The following ADGRD1 variants were observed in gnomAD, a reference collection of about 807,000 sequenced individuals.
The protein encoded by ADGRD1 is G-protein coupled receptor 133.
In ADGRD1, 77 loss-of-function variants were observed where a neutral mutation model predicts 113.4. The observed-to-expected ratio is 0.68, with a 90% CI of 0.57 to 0.82. The LOEUF (loss-of-function observed/expected upper bound fraction) is 0.82, where lower values mean the gene tolerates loss of function less well. Among genes scored for constraint, ADGRD1 ranks in the 40% least tolerant of loss-of-function variants. The pLI, the probability that ADGRD1 is intolerant of heterozygous loss-of-function variation, is 0.00. For missense variants in ADGRD1, 1,036 were observed against 1,139.1 expected (o/e 0.91, Z 1.30); for synonymous variants, 474 against 475.0 (o/e 1.00, Z 0.03).
intron 15 of ADGRD1, among the ~76,000 whole-genome samples, chr12:131,095,741 T>C (rs1351779138): frequency 2.0e-5 from 3 of 152,316 alleles, no homozygotes; most frequent in East Asian, 3.9e-4. Context: ...TCAACACGTA[T>C]TTTTTGTCAT....
intron 13 of ADGRD1, among the ~76,000 whole-genome samples, chr12:131,074,520 G>T (rs1885426475): frequency 6.6e-6 from 1 of 152,192 alleles, no homozygotes; most frequent in Non-Finnish European, 1.5e-5. Flanking sequence ...AGGCCTCAGG[G>T]AGGCTCGTGG....
chr12:130,981,622 G>A (rs1459936135), intron 4 of ADGRD1, among the ~76,000 whole-genome samples: 1 of 152,176 alleles, frequency 6.6e-6, no homozygotes. Context: ...CATCTGTATA[G>A]TGGGGATGAA....
rs941566693 is a variant in ADGRD1, at chr12:130,956,208, G to T, written c.103+1548G>T. Reference sequence around the variant, plus strand: ...TTCCTGGATGGAGCACCAGGAGCCTGCTGGGGTCTAGGGCCAGGGGCTGTG... The same window carrying T: ...TTCCTGGATGGAGCACCAGGAGCCTTCTGGGGTCTAGGGCCAGGGGCTGTG... On this transcript the variant is annotated intron_variant, in intron 2 of 24. Coordinates refer to ENST00000261654, the MANE Select transcript of ADGRD1 (RefSeq NM_198827.5). Among the ~76,000 whole-genome samples the T allele has an allele frequency of 3.9e-5, 6 of 152,334 alleles. No individual in the cohort carries two copies. The East Asian group carries it at 1.2e-3, about 29-fold the overall frequency.
chr12:131,071,710 G>A (rs1290892543), intron 13 of ADGRD1, among the ~76,000 whole-genome samples: 1 of 152,210 alleles, frequency 6.6e-6, no homozygotes, highest in Non-Finnish European at 1.5e-5. Flanking sequence ...GGAGAGAGTG[G>A]AGACCCGGAT....
chr12:131,065,630 C>G (rs1031513923), intron 13 of ADGRD1, among the ~76,000 whole-genome samples: 2 of 152,020 alleles, frequency 1.3e-5, no homozygotes, highest in African/African-American at 4.8e-5. Context: ...CTTTTGAGAC[C>G]AGGCTGGAGT....
chr12:130,998,274 G>C (rs1444221086), intron 8 of ADGRD1, among the ~76,000 whole-genome samples: 1 of 152,092 alleles, frequency 6.6e-6, no homozygotes, highest in Non-Finnish European at 1.5e-5. Context: ...AGACATCTAC[G>C]AGGCAGGCTC....
chr12:130,961,036 G>A (rs180737714), intron 2 of ADGRD1, among the ~76,000 whole-genome samples: 7 of 152,176 alleles, frequency 4.6e-5, no homozygotes, highest in African/African-American at 1.2e-4. Flanking sequence ...AAGCCAGCCC[G>A]ACCATCGGCA....
chr12:131,001,350 C>A (rs1259784794), intron 9 of ADGRD1, among the ~76,000 whole-genome samples: 2 of 152,038 alleles, frequency 1.3e-5, no homozygotes, highest in Admixed American at 6.5e-5. Context: ...TTAGAAAATG[C>A]AGATAATAAA....
intron 6 of ADGRD1, 106 bp downstream of exon 6, chr12:130,987,455 A>T (rs1221985018): frequency 3.8e-6 from 5 of 1,303,022 alleles, no homozygotes; most frequent in African/African-American, 1.5e-5. Context: ...TCAGCACTGC[A>T]GGCGTGAGAT....
intron 2 of ADGRD1, among the ~76,000 whole-genome samples, chr12:130,961,923 A>T (rs1050114987): frequency 6.6e-6 from 1 of 152,260 alleles, no homozygotes; most frequent in African/African-American, 2.4e-5. Flanking sequence ...TTCGTTCGGC[A>T]TCAGGAGGCA....
Position 130,966,459 on chromosome 12 carries a change from C to T in ADGRD1, c.104-4C>T, listed in dbSNP as rs771635425. The T allele has an allele frequency of 3.1e-6, 5 of 1,595,822 alleles. No homozygotes were observed. The highest frequency in any genetic ancestry group is 4.3e-6 in the Non-Finnish European group (5 of 1,163,460). ...TTTAAAATTTTTATTCTTTTTTCCC[C>T]AAGGATTTCAGGTGTTGGCGTCTGC... On this transcript the variant is annotated splice_region_variant and splice_polypyrimidine_tract_variant and intron_variant, in intron 2 of 24. Transcript: ENST00000261654. This position sits in a 1 kb window ranked among gnomAD's most constrained non-coding sequence, Gnocchi z 4.6.
intron 4 of ADGRD1, among the ~76,000 whole-genome samples, chr12:130,975,916 C>T (rs980728912): frequency 6.6e-6 from 1 of 152,186 alleles, no homozygotes; most frequent in Non-Finnish European, 1.5e-5. Flanking sequence ...AAGGCAGCCT[C>T]CCCGATTAGC....
chr12:131,079,983 C>T (rs1026486895), intron 14 of ADGRD1, among the ~76,000 whole-genome samples: 22 of 152,198 alleles, frequency 1.4e-4, no homozygotes, highest in Admixed American at 1.2e-3. Flanking sequence ...GGCTTATCCT[C>T]TTTGTCTTTA....
rs73470828 is a variant in ADGRD1, at chr12:131,135,416, A to G, written c.2268-621A>G. On this transcript the variant is annotated intron_variant, in intron 21 of 24. Transcript: ENST00000261654. ...ATGGGGCTCTGTCAGTTCACAGTGC[A>G]GTTCAGCAAGCCCTTGTTTAGCACG... Among the ~76,000 whole-genome samples, 796 of 152,296 alleles carry G rather than the reference A, an allele frequency of 5.2e-3. 7 individuals carry two copies. The highest frequency in any genetic ancestry group is 0.018 in the African/African-American group (741 of 41,568).
chr12:131,136,191 G>A, intron 22 of ADGRD1, 28 bp downstream of exon 22: 1 of 1,611,578 alleles, frequency 6.2e-7, no homozygotes, highest in South Asian at 1.1e-5. Context: ...TGGCGGGGAG[G>A]CAGGGCCGCC....
At chr12:131,079,047 C>G (rs1402510222) in intron 14 of ADGRD1, among the ~76,000 whole-genome samples, 1 of 152,138 alleles carries the variant, frequency 6.6e-6, no homozygotes, top group African/African-American at 2.4e-5. Context: ...ACCGATTTGT[C>G]TTCTGTTCCT....
chr12:131,009,648 G>A (rs894560706), intron 12 of ADGRD1, among the ~76,000 whole-genome samples: 4 of 152,248 alleles, frequency 2.6e-5, no homozygotes, highest in African/African-American at 7.2e-5. Context: ...GTGTATTTGT[G>A]TGTTGTGTGT....
At chr12:130,959,438 G>T (rs535821233) in intron 2 of ADGRD1, among the ~76,000 whole-genome samples, 2 of 152,262 alleles carry the variant, frequency 1.3e-5, no homozygotes, top group South Asian at 2.1e-4. Context: ...GAGCATGGTG[G>T]TGCATGCCTC....
rs1882134520 is a variant in ADGRD1 at position 131,041,589 on chromosome 12, A to G, written c.1473+27249A>G. ...GAATCAAAGAAACAGGAAAGCAAAC[A>G]TCCAGTTATAGCTGGAGAGGAAGGT... On this transcript the variant is annotated intron_variant, in intron 13 of 24. Coordinates refer to ENST00000261654, the MANE Select transcript of ADGRD1 (RefSeq NM_198827.5). This position sits in a 1 kb window ranked among gnomAD's most constrained non-coding sequence, Gnocchi z 4.4. Among the ~76,000 whole-genome samples the G allele has an allele frequency of 6.6e-6, 1 of 152,180 alleles. No homozygotes were observed. Among genetic ancestry groups the G allele is most frequent in the Non-Finnish European group, 1.5e-5 (1 of 68,016 alleles).
Sources: allele counts gnomAD v4.1 joint callset (sites outside exome capture counted in the v4.1 genomes callset), GRCh38; gene constraint gnomAD v4.1.1; non-coding constraint Gnocchi (gnomAD v3.1); transcripts MANE v1.5; gene names NCBI Gene and HGNC (gene_info 2026-07-23, HGNC 2026-07-21).